SFXN3: variants seen among roughly 807,000 people sequenced by gnomAD.
SFXN3 encodes the protein sideroflexin 3.
A neutral mutation model predicts 40.4 loss-of-function variants in SFXN3; 31 were observed. That is an observed-to-expected ratio of 0.77 (90% CI 0.58 to 1.04). The LOEUF is 1.04. Among genes scored for constraint, SFXN3 ranks in the 50% least tolerant of loss-of-function variants. The probability of loss-of-function intolerance (pLI) is 0.00; values close to 1 mark genes in which losing one functional copy is unlikely to be tolerated. For missense variants in SFXN3, 366 were observed against 408.2 expected, an observed-to-expected ratio of 0.90 and a Z score of 0.89; for synonymous variants, 157 against 160.0, an observed-to-expected ratio of 0.98 and a Z score of 0.14.
exon 12 of SFXN3, chr10:101,040,560 A>G (rs1938849429): frequency 6.6e-6 from 1 of 151,936 alleles, no homozygotes; most frequent in South Asian, 2.1e-4. Flanking sequence ...TACAATGTTA[A>G]GACAGGGAAT....
At chr10:101,034,900 C>G in intron 3 of SFXN3, 45 bp downstream of exon 3, 1 of 1,593,354 alleles carries the variant, frequency 6.3e-7, no homozygotes, top group Non-Finnish European at 8.6e-7. Flanking sequence ...ATCTCATTTT[C>G]TGTGATTAAT....
rs545253878 is a variant in SFXN3 at position 101,037,939 on chromosome 10, T to G, written c.771+508T>G. 68 of 789,548 alleles carry G rather than the reference T, an allele frequency of 8.6e-5. 1 individual carries two copies. The South Asian group carries it at 3.3e-3, about 38-fold the overall frequency. The allele number at this position is 789,548 out of a possible 1,614,324, so 48.9% of individuals were successfully genotyped here. The stretch of plus-strand genomic sequence containing the variant: ...ACAATGGTTATGGCCCCTGTCCTCA[T>G]GAAGTTTATAGTCTGATGCAGAAAC... On this transcript the variant is annotated intron_variant, in intron 9 of 11. Transcript: ENST00000393459.
chr10:101,039,643 A>T lies in SFXN3; in HGVS notation c.*58A>T. The T allele has an allele frequency of 6.6e-7, 1 of 1,517,400 alleles. No homozygotes were observed. The highest frequency in any genetic ancestry group is 9.2e-7 in the Non-Finnish European group (1 of 1,092,454). The allele number at this position is 1,517,400 out of a possible 1,614,324, so 94.0% of individuals were successfully genotyped here. On this transcript the variant is annotated 3_prime_UTR_variant, in exon 12 of 12. Coordinates refer to ENST00000393459, the Ensembl canonical transcript of SFXN3. This position sits in a 1 kb window ranked among gnomAD's most constrained non-coding sequence, Gnocchi z 4.6. ...CTTGGGCTGCTGCTTTAGTGGAGTCATGTCACCCCTACCACTTGGCTATCT... is the reference window on the plus strand; with the variant it reads ...CTTGGGCTGCTGCTTTAGTGGAGTCTTGTCACCCCTACCACTTGGCTATCT...
chr10:101,035,942 A>G, intron 4 of SFXN3, 61 bp from the exon 5 acceptor site: 2 of 1,451,290 alleles, frequency 1.4e-6, no homozygotes, highest in Non-Finnish European at 9.7e-7. Flanking sequence ...GTTTCATTAC[A>G]GGGGTCTAAA....
At chr10:101,034,808 G>T in exon 3 of SFXN3, 2 of 1,614,204 alleles carry the variant, frequency 1.2e-6, no homozygotes. Context: ...ATCTGCTGCT[G>T]TCCGGGGCAC....
intron 1 of SFXN3, 147 bp from the exon 2 acceptor site, chr10:101,032,167 C>T (rs533802930): frequency 3.4e-4 from 120 of 356,858 alleles, no homozygotes; most frequent in Middle Eastern, 2.2e-3. Context: ...GGGAGCAGCG[C>T]CCGCGGCTCC....
Position 101,039,802 on chromosome 10 carries a change from G to C in SFXN3, c.*217G>C. 1.7e-6 allele frequency: 1 copy of C among 588,702 alleles called. No homozygotes were observed. Among genetic ancestry groups the C allele is most frequent in the East Asian group, 2.8e-5 (1 of 35,562 alleles). The allele number at this position is 588,702 out of a possible 1,614,324, so 36.5% of individuals were successfully genotyped here. On this transcript the variant is annotated 3_prime_UTR_variant, in exon 12 of 12. Coordinates refer to ENST00000393459, the Ensembl canonical transcript of SFXN3. The surrounding 1 kb of genome is among the most constrained non-coding windows in gnomAD (Gnocchi z 4.6). ...AAGATCAGAGCACATAACCCCTCCT[G>C]TGCTTGAGTGTCCATGCATATACAT...
chr10:101,039,172 C>G lies in SFXN3; in HGVS notation c.822-3C>G. The G allele has an allele frequency of 6.2e-7, 1 of 1,609,280 alleles. No individual in the cohort carries two copies. Among genetic ancestry groups the G allele is most frequent in the South Asian group, 1.1e-5 (1 of 90,794 alleles). ...AAACCTTTCCAACACTTGTCTCCCC[C>G]AGCCTGGTATTTGCAACCCCCCTGT... On this transcript the variant is annotated splice_polypyrimidine_tract_variant and splice_region_variant and intron_variant, in intron 10 of 11. Coordinates refer to ENST00000393459, the Ensembl canonical transcript of SFXN3. This position sits in a 1 kb window ranked among gnomAD's most constrained non-coding sequence, Gnocchi z 4.6.
intron 8 of SFXN3, 75 bp from the exon 9 acceptor site, chr10:101,037,307 G>A (rs1325473740): frequency 1.5e-5 from 25 of 1,613,802 alleles, no homozygotes; most frequent in Non-Finnish European, 2.1e-5. Context: ...GAGCTTTGAG[G>A]GGGGTCACCC....
chr10:101,041,225 A>G (rs889876451), exon 12 of SFXN3: 1 of 152,044 alleles, frequency 6.6e-6, no homozygotes, highest in Admixed American at 6.6e-5. Flanking sequence ...TTACTCAATA[A>G]ACTGCAAACT....
chr10:101,036,524 C>A lies in SFXN3; in HGVS notation c.470C>A (p.Ala157Asp). The A allele has an allele frequency of 6.2e-7, 1 of 1,614,162 alleles. No homozygotes were observed. The highest frequency in any genetic ancestry group is 1.1e-5 in the South Asian group (1 of 91,088). Residue 157 changes from alanine (A) to aspartate (D), a missense_variant, in exon 6 of 12, where the codon GCT (alanine) becomes GAT (aspartate). Coordinates refer to ENST00000393459, the Ensembl canonical transcript of SFXN3. This position sits in a 1 kb window ranked among gnomAD's most constrained non-coding sequence, Gnocchi z 4.2. ...GCCTATGTGAGTGCCACCACTGGAGCTGTGGCCACGGCCCTGGGACTCAAA... is the reference window on the plus strand; with the variant it reads ...GCCTATGTGAGTGCCACCACTGGAGATGTGGCCACGGCCCTGGGACTCAAA...
exon 12 of SFXN3, chr10:101,041,029 T>A (rs948598513): frequency 6.6e-6 from 1 of 152,102 alleles, no homozygotes; most frequent in African/African-American, 2.4e-5. Context: ...AAATAAAATA[T>A]GGGCTTGGGG....
At chr10:101,037,731 T>C in intron 9 of SFXN3, 2 of 1,342,550 alleles carry the variant, frequency 1.5e-6, no homozygotes, top group Non-Finnish European at 1.9e-6. Context: ...TGCTCATTCT[T>C]TTACCCCCTA....
exon 12 of SFXN3, chr10:101,040,511 G>A (rs976948367): frequency 1.3e-5 from 2 of 152,084 alleles, no homozygotes; most frequent in African/African-American, 2.4e-5. Context: ...CAGAGAGGGT[G>A]TAACTAGGAC....
chr10:101,040,271 C>T (rs1167738450), exon 12 of SFXN3: 3 of 152,620 alleles, frequency 2.0e-5, no homozygotes, highest in South Asian at 2.1e-4. Flanking sequence ...GTACTGCCCT[C>T]GCTGTCTCCC....
chr10:101,036,890 C>A lies in SFXN3; in HGVS notation c.593+82C>A. On this transcript the variant is annotated intron_variant, in intron 7 of 11. Transcript: ENST00000393459. This position sits in a 1 kb window ranked among gnomAD's most constrained non-coding sequence, Gnocchi z 4.2. ...CACGCAGACCACCTCAGAATGGGGA[C>A]ATCCCTCTCCCTCCCCAGACATGAG... The A allele has an allele frequency of 6.4e-7, 1 of 1,551,706 alleles. No homozygotes were observed. Among genetic ancestry groups the A allele is most frequent in the South Asian group, 1.2e-5 (1 of 84,026 alleles).
chr10:101,035,778 G>A (rs954985720), intron 4 of SFXN3, 111 bp downstream of exon 4: 4 of 1,422,998 alleles, frequency 2.8e-6, no homozygotes, highest in Non-Finnish European at 3.8e-6. Context: ...TGTCAGAATC[G>A]CTTCCATTCC....
exon 2 of SFXN3, chr10:101,032,434 G>T: frequency 6.6e-7 from 1 of 1,525,420 alleles, no homozygotes; most frequent in South Asian, 1.2e-5. Context: ...GGCGACAGCG[G>T]AGGCAGAGAG....
intron 9 of SFXN3, 99 bp from the exon 10 acceptor site, chr10:101,038,544 C>A: frequency 6.2e-7 from 1 of 1,606,860 alleles, no homozygotes; most frequent in Admixed American, 1.7e-5. Context: ...TCTAAGGGCT[C>A]CAAGGCAAGG....
Sources: allele counts gnomAD v4.1 joint callset, GRCh38; gene constraint gnomAD v4.1.1; non-coding constraint Gnocchi (gnomAD v3.1); transcripts MANE v1.5; gene names NCBI Gene and HGNC (gene_info 2026-07-23, HGNC 2026-07-21).